Variants in LIG1 observed in about 807,000 individuals in gnomAD.
LIG1 encodes ligase I, DNA, ATP-dependent.
LIG1 carries 70 observed loss-of-function variants against 115.7 expected under a neutral mutation model. That is an observed-to-expected ratio of 0.60 (90% CI 0.50 to 0.74). The LOEUF (loss-of-function observed/expected upper bound fraction) is 0.74, where lower values mean the gene tolerates loss of function less well. Among genes scored for constraint, LIG1 ranks in the 30% least tolerant of loss-of-function variants. The pLI, the probability that LIG1 is intolerant of heterozygous loss-of-function variation, is 0.00. For missense variants in LIG1, 1,115 were observed against 1,225.6 expected (o/e 0.91, Z 1.35); for synonymous variants, 487 against 495.3 (o/e 0.98, Z 0.22).
chr19:48,117,888 C>T, intron 25 of LIG1, 107 bp from the exon 26 acceptor site: 1 of 1,169,558 alleles, frequency 8.6e-7, no homozygotes, highest in East Asian at 2.5e-5. Flanking sequence ...CAGGCACCCC[C>T]TTGAAGTAAA....
chr19:48,121,138 T>C (rs761184085), intron 24 of LIG1, 32 bp downstream of exon 24: 1 of 1,614,042 alleles, frequency 6.2e-7, no homozygotes, highest in Non-Finnish European at 8.5e-7. Context: ...CCTTCCCTCC[T>C]GCTTCTGCCA....
rs773435083 is a variant in LIG1, at chr19:48,161,466, T to C, written c.149A>G (p.Asp50Gly). The C allele has an allele frequency of 6.2e-7, 1 of 1,613,672 alleles. No individual in the cohort carries two copies. Among genetic ancestry groups the C allele is most frequent in the South Asian group, 1.1e-5 (1 of 91,042 alleles). The change falls in exon 4 of 28, where the codon GAC becomes GGC. Residue 50 changes from aspartate (D) to glycine (G), a missense_variant. Physicochemically the swap from Asp to Gly is moderately conservative, Grantham distance 94. Coordinates refer to ENST00000263274, the MANE Select transcript of LIG1 (RefSeq NM_000234.3). ...CCTCCCTGGCCTCTTCACCGGAGAGTCACTCTCGGACACCACTCCATTCCA... is the reference window on the plus strand; with the variant it reads ...CCTCCCTGGCCTCTTCACCGGAGAGCCACTCTCGGACACCACTCCATTCCA... Reference protein sequence around the residue: ...KEWNGVVSESDSPVKRPGRKA... With the variant: ...KEWNGVVSESGSPVKRPGRKA...
At chr19:48,119,497 C>T (rs1183868594) in intron 24 of LIG1, among the ~76,000 whole-genome samples, 1 of 150,932 alleles carries the variant, frequency 6.6e-6, no homozygotes, top group East Asian at 1.9e-4. Flanking sequence ...CACATCCTCA[C>T]TGCCCAGTAA....
intron 21 of LIG1, 104 bp downstream of exon 21, chr19:48,127,173 T>G: frequency 1.1e-6 from 1 of 921,840 alleles, no homozygotes; most frequent in East Asian, 2.4e-5. Flanking sequence ...TTCCTGGCCA[T>G]GTGAAGTGGC....
At chr19:48,145,221 C>G (rs1228654152) in intron 9 of LIG1, among the ~76,000 whole-genome samples, 1 of 152,174 alleles carries the variant, frequency 6.6e-6, no homozygotes, top group Non-Finnish European at 1.5e-5. Context: ...TCGTAAGTAG[C>G]TCACACTGAC....
chr19:48,130,933 G>A (rs1196385535), intron 19 of LIG1, 143 bp downstream of exon 19: 2 of 702,324 alleles, frequency 2.8e-6, no homozygotes, highest in East Asian at 2.7e-5. Flanking sequence ...GCAGGACTGA[G>A]TGCTCTGTCA....
chr19:48,121,229 C>G lies in LIG1; in HGVS notation c.2326G>C (p.Gly776Arg), dbSNP rs1176633059. 6.2e-7 allele frequency: 1 copy of G among 1,614,016 alleles called. No homozygotes were observed. Among genetic ancestry groups the G allele is most frequent in the African/African-American group, 1.3e-5 (1 of 75,060 alleles). The change falls in exon 24 of 28, where the codon GGG (glycine) becomes CGG (arginine). Residue 776 changes from glycine to arginine, a missense_variant. Transcript: ENST00000263274. ...LGRGKRAGRY[G>R]GFLLASYDED... is the part of the protein sequence containing the mutation. ...TCGTAGGAGGCCAGCAGGAAGCCCC[C>G]GTACCGGCCGGCCCGCTTCCCCCGG...
intron 9 of LIG1, among the ~76,000 whole-genome samples, chr19:48,148,279 G>C (rs1283830468): frequency 6.6e-6 from 1 of 152,266 alleles, no homozygotes; most frequent in South Asian, 2.1e-4. Flanking sequence ...TTCGAGACCA[G>C]CCTGGCCAAC....
At chr19:48,164,849 T>G (rs1456227776) in intron 2 of LIG1, among the ~76,000 whole-genome samples, 3 of 152,198 alleles carry the variant, frequency 2.0e-5, no homozygotes. Context: ...GCCTGATGGT[T>G]CTGTGTTGTT....
rs763234108 is a variant in LIG1 at position 48,117,767 on chromosome 19, G to C, written c.2454C>G (p.Pro818=). The C allele has an allele frequency of 6.2e-7, 1 of 1,612,750 alleles. No homozygotes were observed. The highest frequency in any genetic ancestry group is 8.5e-7 in the Non-Finnish European group (1 of 1,179,570). The change falls in exon 26 of 28, where the codon CCC becomes CCG. Residue 818 remains proline, a synonymous_variant. Transcript: ENST00000263274. ...HHQSLKALVL[P]SPRPYVRIDG... is the part of the protein sequence containing the mutation. ...CTATCCGCACGTAAGGGCGTGGGCT[G>C]GGCAGCACCAGCGCCTGCAGTGAGC...
intron 6 of LIG1, among the ~76,000 whole-genome samples, chr19:48,151,554 C>T (rs1161580689): frequency 6.6e-6 from 1 of 151,992 alleles, no homozygotes; most frequent in African/African-American, 2.4e-5. Flanking sequence ...CTCAGCCTCC[C>T]GAGTAGCTGG....
At chr19:48,120,521 G>A (rs747838755) in intron 24 of LIG1, 2 of 984,936 alleles carry the variant, frequency 2.0e-6, no homozygotes, top group Non-Finnish European at 2.4e-6. Context: ...TAGGAAATAC[G>A]TAAGAAAATC....
At chr19:48,165,907 T>C (rs1346699254) in intron 1 of LIG1, among the ~76,000 whole-genome samples, 1 of 152,176 alleles carries the variant, frequency 6.6e-6, no homozygotes, top group Non-Finnish European at 1.5e-5. Context: ...AAATGGGTTT[T>C]TTTGGAGTTA....
Position 48,121,244 on chromosome 19 carries a change from G to A in LIG1, c.2311C>T (p.Arg771Trp), listed in dbSNP as rs121434561. 42 of 1,613,568 alleles carry A rather than the reference G, an allele frequency of 2.6e-5. No individual in the cohort carries two copies. The highest frequency in any genetic ancestry group is 2.7e-5 in the Non-Finnish European group (32 of 1,179,888). ...VIGAYLGRGK[R>W]AGRYGGFLLA... ...AGGAAGCCCCCGTACCGGCCGGCCCGCTTCCCCCGGCCCAGGTAGGCGCCG... is the reference window on the plus strand; with the variant it reads ...AGGAAGCCCCCGTACCGGCCGGCCCACTTCCCCCGGCCCAGGTAGGCGCCG... The change falls in exon 24 of 28, where the codon CGG (arginine) becomes TGG (tryptophan). Residue 771 changes from arginine to tryptophan, a missense_variant. Physicochemically the swap from Arg to Trp is moderately radical, Grantham distance 101 (BLOSUM62 -3). Transcript: ENST00000263274.
At chr19:48,126,925 G>A (rs2033707778) in intron 21 of LIG1, 3 of 279,496 alleles carry the variant, frequency 1.1e-5, no homozygotes, top group Non-Finnish European at 1.4e-5. Context: ...TGAGAAAGTG[G>A]TGAGACTAGA....
At chr19:48,145,786 C>T (rs1471475810) in intron 9 of LIG1, 1 of 152,184 alleles carries the variant, frequency 6.6e-6, no homozygotes, top group Non-Finnish European at 1.5e-5. Flanking sequence ...CAGCAGTTAC[C>T]GTGACAACAT....
chr19:48,167,696 C>T (rs2036552681), intron 1 of LIG1, among the ~76,000 whole-genome samples: 1 of 151,844 alleles, frequency 6.6e-6, no homozygotes, highest in Admixed American at 6.6e-5. Flanking sequence ...CATGGTGGTG[C>T]CAGCCTGTAA....
intron 1 of LIG1, among the ~76,000 whole-genome samples, chr19:48,168,801 C>T (rs2036608047): frequency 6.6e-6 from 1 of 152,096 alleles, no homozygotes; most frequent in South Asian, 2.1e-4. Context: ...CACAACTCAG[C>T]GCATACACTG....
chr19:48,163,536 C>A (rs1395927308), intron 2 of LIG1, among the ~76,000 whole-genome samples: 1 of 151,960 alleles, frequency 6.6e-6, no homozygotes, highest in East Asian at 1.9e-4. Context: ...TTATTATGTG[C>A]CAGGGCCTGT....
Sources: allele counts gnomAD v4.1 joint callset (sites outside exome capture counted in the v4.1 genomes callset), GRCh38; gene constraint gnomAD v4.1.1; transcripts MANE v1.5; gene names NCBI Gene and HGNC (gene_info 2026-07-23, HGNC 2026-07-21).